Variants in OSBPL10 observed in about 807,000 individuals in gnomAD.
The protein encoded by OSBPL10 is oxysterol-binding protein-related protein 10.
Under a neutral mutation model 81.7 loss-of-function variants are expected in OSBPL10, and 49 were observed. That is an observed-to-expected ratio of 0.60 (90% confidence interval 0.48 to 0.76). The LOEUF (loss-of-function observed/expected upper bound fraction) is 0.76. Among genes scored for constraint, OSBPL10 ranks in the 30% least tolerant of loss-of-function variants. The pLI, the probability that OSBPL10 is intolerant of heterozygous loss-of-function variation, is 0.00. For synonymous variants in OSBPL10, 419 were observed against 383.6 expected, an observed-to-expected ratio of 1.09 and a Z score of -1.08; for missense variants, 923 against 987.8, an observed-to-expected ratio of 0.93 and a Z score of 0.88.
chr3:32,005,091 G>T (rs561366982), intron 2 of OSBPL10, among the ~76,000 whole-genome samples: 1 of 152,082 alleles, frequency 6.6e-6, no homozygotes, highest in South Asian at 2.1e-4. Context: ...TTAAGTTCTG[G>T]TGTACATGTG....
intron 1 of OSBPL10, among the ~76,000 whole-genome samples, chr3:32,072,323 T>G (rs1699837361): frequency 6.6e-6 from 1 of 152,196 alleles, no homozygotes; most frequent in South Asian, 2.1e-4. Flanking sequence ...AGGGCAATGC[T>G]TATGCTGATA....
intron 3 of OSBPL10, among the ~76,000 whole-genome samples, chr3:31,855,648 A>G (rs1700891505): frequency 6.6e-6 from 1 of 151,940 alleles, no homozygotes; most frequent in African/African-American, 2.4e-5. Context: ...GTTGAATGCT[A>G]CTCCCAAGCA....
At chr3:31,862,424 GTCTGCGT>G (rs1257736355) in intron 3 of OSBPL10, among the ~76,000 whole-genome samples, 1 of 152,122 alleles carries the variant, frequency 6.6e-6, no homozygotes, top group Non-Finnish European at 1.5e-5. Flanking sequence ...AATAAAAGAT[GTCTGCGT>G]TCCACCCTAG....
chr3:31,891,765 G>A (rs1434555056), intron 1 of OSBPL10, among the ~76,000 whole-genome samples: 2 of 152,124 alleles, frequency 1.3e-5, no homozygotes, highest in African/African-American at 4.8e-5. Flanking sequence ...TAGGTTCTGT[G>A]ATATGAATAA....
At chr3:31,901,626 G>A (rs575561187) in intron 1 of OSBPL10, among the ~76,000 whole-genome samples, 125 of 152,324 alleles carry the variant, frequency 8.2e-4, no homozygotes, top group African/African-American at 2.8e-3. Flanking sequence ...AGTCATCACT[G>A]TGTCCTTATT....
chr3:31,980,205 T>C (rs1020521921), intron 1 of OSBPL10, among the ~76,000 whole-genome samples: 1 of 151,992 alleles, frequency 6.6e-6, no homozygotes, highest in South Asian at 2.1e-4. Context: ...GTTTTCACCA[T>C]GTTGGCGAGG....
chr3:31,663,954 C>T, intron 11 of OSBPL10, 125 bp downstream of exon 11: 1 of 1,605,392 alleles, frequency 6.2e-7, no homozygotes, highest in South Asian at 1.1e-5. Flanking sequence ...ACCGAGCTGC[C>T]CTAGTCCATC....
intron 4 of OSBPL10, among the ~76,000 whole-genome samples, chr3:31,818,206 G>A (rs1699894010): frequency 6.6e-6 from 1 of 152,090 alleles, no homozygotes; most frequent in Non-Finnish European, 1.5e-5. Flanking sequence ...AAAGCAGATT[G>A]CCCTCTGTAA....
intron 8 of OSBPL10, among the ~76,000 whole-genome samples, chr3:31,672,248 T>A (rs547242653): frequency 6.6e-6 from 1 of 151,842 alleles, no homozygotes; most frequent in Non-Finnish European, 1.5e-5. Context: ...ATTATCGTTT[T>A]AATAAGAATG....
At chr3:31,981,523 G>T (rs1342801470), upstream of OSBPL10, among the ~76,000 whole-genome samples, 1 of 152,128 alleles carries the variant, frequency 6.6e-6, no homozygotes, top group Non-Finnish European at 1.5e-5. The surrounding 1 kb of genome is among the most constrained non-coding windows in gnomAD (Gnocchi z 4.5). Flanking sequence ...GGCCTCTCAG[G>T]CCCTCGGGAC....
At chr3:32,022,144 T>G (rs1248406790) in intron 2 of OSBPL10, among the ~76,000 whole-genome samples, 2 of 152,218 alleles carry the variant, frequency 1.3e-5, no homozygotes, top group Admixed American at 6.5e-5. Context: ...GTCCAGCTTA[T>G]CTATTTTTTC....
intron 4 of OSBPL10, among the ~76,000 whole-genome samples, chr3:31,817,118 G>C (rs942799319): frequency 6.6e-5 from 10 of 152,286 alleles, no homozygotes; most frequent in African/African-American, 2.2e-4. Flanking sequence ...TGGTCCATGG[G>C]TGGCCATGGG....
intron 2 of OSBPL10, among the ~76,000 whole-genome samples, chr3:32,005,649 G>A (rs34121652): frequency 1.3e-5 from 2 of 151,952 alleles, no homozygotes; most frequent in African/African-American, 4.8e-5. Context: ...GTGCAGTGTC[G>A]CTGTCTCGGC....
intron 1 of OSBPL10, among the ~76,000 whole-genome samples, chr3:31,907,386 G>A (rs112166226): frequency 0.015 from 2,240 of 152,060 alleles, 55 homozygotes; most frequent in African/African-American, 0.048. Context: ...CCCAACACTG[G>A]AAGGCCGAGG....
chr3:31,883,886 A>G (rs973841751), intron 1 of OSBPL10, among the ~76,000 whole-genome samples: 6 of 152,212 alleles, frequency 3.9e-5, no homozygotes, highest in Non-Finnish European at 1.5e-5. Flanking sequence ...ATGAAAAGGC[A>G]AAGTAACATG....
At chr3:31,921,998 A>G (rs937131784) in intron 1 of OSBPL10, among the ~76,000 whole-genome samples, 2 of 152,248 alleles carry the variant, frequency 1.3e-5, no homozygotes, top group South Asian at 4.1e-4. Flanking sequence ...GGACTATCCT[A>G]CAATACACCT....
rs141464028 is a variant in OSBPL10 at position 31,681,168 on chromosome 3, T to C, written c.1726+2466A>G. Among the ~76,000 whole-genome samples the C allele has an allele frequency of 9.2e-5, 14 of 152,306 alleles. No individual in the cohort carries two copies. The East Asian group carries it at 2.5e-3, about 27-fold the overall frequency. On this transcript the variant is annotated intron_variant, in intron 8 of 11. Coordinates refer to ENST00000396556, the MANE Select transcript of OSBPL10 (RefSeq NM_017784.5). ...ATTAATGAATGTCTCATTGGTGAACTTCTTGATCCTGATTGATCCTTGAGA... is the reference window on the plus strand; with the variant it reads ...ATTAATGAATGTCTCATTGGTGAACCTCTTGATCCTGATTGATCCTTGAGA...
intron 7 of OSBPL10, among the ~76,000 whole-genome samples, chr3:31,695,744 C>T (rs1318332620): frequency 1.3e-5 from 2 of 152,190 alleles, no homozygotes; most frequent in Non-Finnish European, 2.9e-5. Context: ...CTCCTACCTG[C>T]TTCCTCTCTC....
intron 1 of OSBPL10, among the ~76,000 whole-genome samples, chr3:31,957,580 G>A (rs937322851): frequency 1.3e-5 from 2 of 152,186 alleles, no homozygotes; most frequent in African/African-American, 4.8e-5. Flanking sequence ...GCCATTCGTG[G>A]AGATATGTAC....
Sources: allele counts gnomAD v4.1 joint callset (sites outside exome capture counted in the v4.1 genomes callset), GRCh38; gene constraint gnomAD v4.1.1; non-coding constraint Gnocchi (gnomAD v3.1); transcripts MANE v1.5; gene names NCBI Gene and HGNC (gene_info 2026-07-23, HGNC 2026-07-21).